The following ZC3H12B variants were observed in gnomAD, a reference collection of about 807,000 sequenced individuals.
ZC3H12B encodes zinc finger CCCH-type containing 12B, also known as probable ribonuclease ZC3H12B.
Under a neutral mutation model 43.9 loss-of-function variants are expected in ZC3H12B, and 7 were observed. The observed-to-expected ratio is 0.16, with a 90% confidence interval of 0.09 to 0.30. The LOEUF is 0.30. Among genes scored for constraint, ZC3H12B ranks in the 10% least tolerant of loss-of-function variants. The pLI is 1.00. For missense variants in ZC3H12B, 475 were observed against 670.2 expected, an observed-to-expected ratio of 0.71 and a Z score of 3.22; for synonymous variants, 222 against 241.7, an observed-to-expected ratio of 0.92 and a Z score of 0.76.
chrX:65,476,711 A>G (rs2067995693), intron 3 of ZC3H12B, among the ~76,000 whole-genome samples: 1 of 111,255 alleles, frequency 9.0e-6, no homozygotes, highest in East Asian at 2.8e-4. Context: ...GTCCTAGGTG[A>G]AACCTAGGTC....
chrX:65,055,808 A>T, the ZC3H12B span, among the ~76,000 whole-genome samples: 2 of 111,351 alleles, frequency 1.8e-5, no homozygotes. Context: ...TTCCTGGTTT[A>T]GTCTTGGGAG....
chrX:65,304,764 A>G, the ZC3H12B span, among the ~76,000 whole-genome samples: 1 of 112,121 alleles, frequency 8.9e-6, no homozygotes, highest in South Asian at 3.7e-4. Flanking sequence ...TTTTTGTGTT[A>G]ATTAGGTTAG....
At chrX:65,160,669 T>G in the ZC3H12B span, among the ~76,000 whole-genome samples, 1 of 111,779 alleles carries the variant, frequency 8.9e-6, no homozygotes, top group East Asian at 2.8e-4. Context: ...TTATTAGTCT[T>G]GCTAATGGTG....
the ZC3H12B span, among the ~76,000 whole-genome samples, chrX:65,183,998 A>T: frequency 1.8e-5 from 2 of 111,223 alleles, no homozygotes; most frequent in African/African-American, 6.5e-5. Context: ...ATAGGAAGTA[A>T]ATGGACTGCC....
At chrX:65,125,747 G>T in the ZC3H12B span, among the ~76,000 whole-genome samples, 1 of 110,915 alleles carries the variant, frequency 9.0e-6, no homozygotes, top group African/African-American at 3.3e-5. Flanking sequence ...TTAAACTGCT[G>T]TTGCTTTAAA....
chrX:65,465,450 C>G (rs1346863499), intron 3 of ZC3H12B, among the ~76,000 whole-genome samples: 1 of 111,009 alleles, frequency 9.0e-6, no homozygotes. Flanking sequence ...GTTTGCATGG[C>G]ATATCTTTTT....
At chrX:65,387,842 A>G (rs1213727677) in intron 2 of ZC3H12B, among the ~76,000 whole-genome samples, 3 of 112,391 alleles carry the variant, frequency 2.7e-5, no homozygotes, top group African/African-American at 9.7e-5. Context: ...CCTGGTGGTG[A>G]CAAAATCTCT....
chrX:65,388,113 T>C (rs1450734361), intron 2 of ZC3H12B, among the ~76,000 whole-genome samples: 3 of 111,650 alleles, frequency 2.7e-5, no homozygotes, highest in East Asian at 2.8e-4. Context: ...CTGACAATTA[T>C]GTGTCTTGGA....
chrX:65,470,003 C>A (rs2067886689), intron 3 of ZC3H12B: 2 of 112,863 alleles, frequency 1.8e-5, no homozygotes, highest in South Asian at 3.2e-4. Context: ...CAAAAAAGAC[C>A]AAGAGGCAGT....
At chrX:65,213,350 A>G in the ZC3H12B span, among the ~76,000 whole-genome samples, 3 of 110,677 alleles carry the variant, frequency 2.7e-5, no homozygotes, top group African/African-American at 9.9e-5. Flanking sequence ...CACAAATATT[A>G]TTGCAAGTGA....
the ZC3H12B span, among the ~76,000 whole-genome samples, chrX:65,207,281 C>A: frequency 1.8e-5 from 2 of 108,592 alleles, no homozygotes; most frequent in Non-Finnish European, 3.8e-5. Context: ...CACATACACA[C>A]ACCGTGGTCT....
chrX:65,416,913 T>C, intron 3 of ZC3H12B, among the ~76,000 whole-genome samples: 1 of 112,192 alleles, frequency 8.9e-6, no homozygotes, highest in Middle Eastern at 4.2e-3. Context: ...AAGTTTGATA[T>C]TTATTGCCTG....
At chrX:65,343,627 C>T in the ZC3H12B span, among the ~76,000 whole-genome samples, 643 of 112,071 alleles carry the variant, frequency 5.7e-3, 18 homozygotes, top group Admixed American at 0.052. Context: ...CATTTAACAC[C>T]GCTTCATTTT....
intron 3 of ZC3H12B, among the ~76,000 whole-genome samples, chrX:65,420,540 G>A (rs1470620522): frequency 1.8e-5 from 2 of 111,553 alleles, no homozygotes; most frequent in African/African-American, 3.3e-5. Context: ...ACCAACACAC[G>A]GTTATAAGGA....
the ZC3H12B span, among the ~76,000 whole-genome samples, chrX:65,203,399 A>T: frequency 1.8e-5 from 2 of 111,223 alleles, no homozygotes; most frequent in Non-Finnish European, 3.8e-5. Context: ...CTGCCTGGTT[A>T]TTACTGCTGA....
At chrX:65,216,179 T>C in the ZC3H12B span, among the ~76,000 whole-genome samples, 1 of 111,738 alleles carries the variant, frequency 8.9e-6, no homozygotes, top group African/African-American at 3.3e-5. Context: ...AGACAAGTGG[T>C]CACAGTATCT....
At chrX:65,329,358 T>C in the ZC3H12B span, among the ~76,000 whole-genome samples, 1 of 111,232 alleles carries the variant, frequency 9.0e-6, no homozygotes, top group Non-Finnish European at 1.9e-5. Context: ...TTTTGAGAAG[T>C]GTCTGTTCAT....
the ZC3H12B span, among the ~76,000 whole-genome samples, chrX:65,357,793 A>T: frequency 3.6e-5 from 4 of 111,813 alleles, no homozygotes; most frequent in African/African-American, 9.8e-5. Context: ...ACTAATGTGC[A>T]AAATAACCAG....
At chrX:65,364,237 C>T (rs1159621485), upstream of ZC3H12B, among the ~76,000 whole-genome samples, 2 of 110,591 alleles carry the variant, frequency 1.8e-5, no homozygotes, top group East Asian at 2.8e-4. Flanking sequence ...AACTCGAGCC[C>T]TCACTCTTGC....
Sources: gnomAD v4.1 joint callset for allele counts (sites outside exome capture counted in the v4.1 genomes callset) on GRCh38, gnomAD v4.1.1 for gene constraint, MANE v1.5 for transcripts, NCBI Gene and HGNC (gene_info 2026-07-23, HGNC 2026-07-21) for gene names.